KIF26B: variants seen among roughly 807,000 people sequenced by gnomAD.
KIF26B encodes kinesin family member 26B.
Under a neutral mutation model 151.2 loss-of-function variants are expected in KIF26B, and 63 were observed. That is an observed-to-expected ratio of 0.42 (90% CI 0.34 to 0.51). The LOEUF (loss-of-function observed/expected upper bound fraction) is 0.51. KIF26B is among the 20% of genes least tolerant of loss of function. KIF26B has a pLI of 0.07. For synonymous variants in KIF26B, 1,357 were observed against 1,262.1 expected (o/e 1.08, Z -1.59); for missense variants, 2,813 against 2,913.6 (o/e 0.97, Z 0.79).
intron 2 of KIF26B, among the ~76,000 whole-genome samples, chr1:245,177,668 GTGTGT>G (rs1558335211): frequency 1.7e-5 from 1 of 57,598 alleles, no homozygotes; most frequent in African/African-American, 9.0e-5. Flanking sequence ...CCTTAGGGGT[GTGTGT>G]GTGTGTGTGT....
intron 4 of KIF26B, among the ~76,000 whole-genome samples, chr1:245,511,392 G>A (rs544412427): frequency 1.2e-4 from 18 of 152,254 alleles, no homozygotes; most frequent in Admixed American, 7.8e-4. Context: ...AATGAAATGG[G>A]TAATAAATGA....
intron 10 of KIF26B, among the ~76,000 whole-genome samples, chr1:245,647,251 C>G (rs2043960594): frequency 6.6e-6 from 1 of 151,626 alleles, no homozygotes; most frequent in Non-Finnish European, 1.5e-5. Context: ...CGGTGAAACC[C>G]CATCTCTACT....
chr1:245,303,723 G>T (rs1198362663), intron 2 of KIF26B, among the ~76,000 whole-genome samples: 1 of 152,158 alleles, frequency 6.6e-6, no homozygotes, highest in Non-Finnish European at 1.5e-5. Context: ...AAAACTAAAA[G>T]AAACTTCTGC....
chr1:245,609,589 G>T, intron 8 of KIF26B, 61 bp downstream of exon 8: 17 of 1,440,718 alleles, frequency 1.2e-5, no homozygotes, highest in Non-Finnish European at 1.5e-5. Context: ...CAGAGGCTGG[G>T]GCAGCTCCAC....
intron 6 of KIF26B, among the ~76,000 whole-genome samples, chr1:245,604,957 T>C (rs1466733393): frequency 6.6e-6 from 1 of 152,186 alleles, no homozygotes; most frequent in Admixed American, 6.5e-5. Context: ...AAGTCACTTG[T>C]TCAAAGTCCC....
At chr1:245,288,543 G>A (rs115606842) in intron 2 of KIF26B, among the ~76,000 whole-genome samples, 1 of 152,194 alleles carries the variant, frequency 6.6e-6, no homozygotes, top group African/African-American at 2.4e-5. Context: ...GTAAAGATTG[G>A]GGGTCCATCA....
intron 12 of KIF26B, among the ~76,000 whole-genome samples, chr1:245,693,640 G>A (rs1440209378): frequency 6.6e-6 from 1 of 152,162 alleles, no homozygotes; most frequent in Non-Finnish European, 1.5e-5. Flanking sequence ...GTTGTGACTT[G>A]CACCTGTAGT....
intron 2 of KIF26B, among the ~76,000 whole-genome samples, chr1:245,225,515 G>GCTC (rs1669856264): frequency 6.6e-6 from 1 of 152,206 alleles, no homozygotes; most frequent in African/African-American, 2.4e-5. Context: ...GAAGAGGAAT[G>GCTC]AGCCTATTGC....
At chr1:245,690,866 G>T (rs557826935) in intron 12 of KIF26B, among the ~76,000 whole-genome samples, 1 of 152,334 alleles carries the variant, frequency 6.6e-6, no homozygotes, top group South Asian at 2.1e-4. Flanking sequence ...GCCATTCCGT[G>T]TAACGTAGCA....
At chr1:245,233,177 G>A (rs1302488361) in intron 2 of KIF26B, among the ~76,000 whole-genome samples, 1 of 152,174 alleles carries the variant, frequency 6.6e-6, no homozygotes, top group African/African-American at 2.4e-5. Flanking sequence ...GAAATGATTA[G>A]GACACATTTC....
intron 3 of KIF26B, among the ~76,000 whole-genome samples, chr1:245,389,393 G>A (rs900823468): frequency 5.3e-4 from 80 of 151,340 alleles, no homozygotes; most frequent in African/African-American, 1.7e-3. Context: ...GATTACAGGC[G>A]TGAGCCACCA....
At chr1:245,634,551 G>T (rs1254077256) in intron 9 of KIF26B, among the ~76,000 whole-genome samples, 2 of 152,042 alleles carry the variant, frequency 1.3e-5, no homozygotes, top group African/African-American at 2.4e-5. Flanking sequence ...CTGAATTTTG[G>T]TAAATGCTTT....
chr1:245,317,398 T>C (rs1055952149), intron 2 of KIF26B, among the ~76,000 whole-genome samples: 2 of 152,212 alleles, frequency 1.3e-5, no homozygotes, highest in African/African-American at 4.8e-5. Flanking sequence ...GATCTGTTTA[T>C]TCTAAGCTTG....
intron 4 of KIF26B, among the ~76,000 whole-genome samples, chr1:245,497,153 C>CA (rs35741176): frequency 0.27 from 27,562 of 100,826 alleles, 3,287 homozygotes; most frequent in African/African-American, 0.43. Context: ...AACTCCATCT[C>CA]AAAAAAAAAA....
At chr1:245,257,248 C>T (rs998696922) in intron 2 of KIF26B, among the ~76,000 whole-genome samples, 11 of 152,198 alleles carry the variant, frequency 7.2e-5, no homozygotes, top group African/African-American at 2.7e-4. Context: ...GTACATCTTA[C>T]ATGTATTGAT....
At chr1:245,594,322 A>G (rs1310525568) in intron 5 of KIF26B, among the ~76,000 whole-genome samples, 1 of 152,188 alleles carries the variant, frequency 6.6e-6, no homozygotes, top group Non-Finnish European at 1.5e-5. Context: ...TAAGTCTTTA[A>G]TCCAACTTGA....
chr1:245,561,537 C>G (rs995615231), intron 5 of KIF26B, among the ~76,000 whole-genome samples: 6 of 152,216 alleles, frequency 3.9e-5, no homozygotes, highest in African/African-American at 1.4e-4. Context: ...GTACTGAGTA[C>G]TGTTCTGAGT....
chr1:245,361,705 C>T (rs887479530), intron 2 of KIF26B, among the ~76,000 whole-genome samples: 1 of 152,212 alleles, frequency 6.6e-6, no homozygotes, highest in African/African-American at 2.4e-5. Flanking sequence ...GCTGTCACTA[C>T]TGCGGTTGTT....
intron 2 of KIF26B, among the ~76,000 whole-genome samples, chr1:245,219,405 C>T (rs1198777776): frequency 1.3e-5 from 2 of 152,046 alleles, no homozygotes; most frequent in African/African-American, 4.8e-5. Context: ...AGGCGCGAGC[C>T]ACTGCGCCTA....
Sources: gnomAD v4.1 joint callset for allele counts (sites outside exome capture counted in the v4.1 genomes callset) on GRCh38, gnomAD v4.1.1 for gene constraint, MANE v1.5 for transcripts, NCBI Gene and HGNC (gene_info 2026-07-23, HGNC 2026-07-21) for gene names.